The following DCT variants were observed in gnomAD, a reference collection of about 807,000 sequenced individuals.
The protein encoded by DCT is dopachrome tautomerase.
A neutral mutation model predicts 53.0 loss-of-function variants in DCT; 47 were observed. That is an observed-to-expected ratio of 0.89 (90% confidence interval 0.70 to 1.13). The LOEUF (loss-of-function observed/expected upper bound fraction) is 1.13. Among genes scored for constraint, DCT ranks in the 50% most tolerant of loss-of-function variants. The pLI, the probability that DCT is intolerant of heterozygous loss-of-function variation, is 0.00. For synonymous variants in DCT, 244 were observed against 237.0 expected (o/e 1.03, Z -0.27); for missense variants, 669 against 637.4 (o/e 1.05, Z -0.53).
chr13:94,494,222 C>G, the DCT span, among the ~76,000 whole-genome samples: 9 of 152,172 alleles, frequency 5.9e-5, no homozygotes, highest in Non-Finnish European at 1.0e-4. Context: ...CTTTTAACAT[C>G]TGCCTTCTGT....
chr13:94,459,405 C>T (rs9584234), intron 6 of DCT, among the ~76,000 whole-genome samples: 21,602 of 152,162 alleles, frequency 0.14, 1,643 homozygotes, highest in South Asian at 0.2. Flanking sequence ...TCATTTTTTG[C>T]TCCTATTAGC....
chr13:94,473,853 C>T (rs751566544), intron 1 of DCT, among the ~76,000 whole-genome samples: 6 of 152,268 alleles, frequency 3.9e-5, no homozygotes, highest in Middle Eastern at 3.4e-3. Flanking sequence ...ATTCCTTTTC[C>T]AAGATGTCTC....
At chr13:94,521,780 A>G in the DCT span, among the ~76,000 whole-genome samples, 2 of 152,192 alleles carry the variant, frequency 1.3e-5, no homozygotes, top group African/African-American at 4.8e-5. Context: ...CATAAGACTC[A>G]CTCATTTTAA....
chr13:94,483,937 C>T (rs534058655), upstream of DCT, among the ~76,000 whole-genome samples: 3 of 152,252 alleles, frequency 2.0e-5, no homozygotes, highest in Non-Finnish European at 2.9e-5. Flanking sequence ...CAAAGATAAC[C>T]GAAAAAGAAT....
the DCT span, among the ~76,000 whole-genome samples, chr13:94,513,501 A>G: frequency 6.6e-6 from 1 of 152,198 alleles, no homozygotes; most frequent in Non-Finnish European, 1.5e-5. Flanking sequence ...TCTAATTTTC[A>G]GAAACAATAT....
At chr13:94,475,467 G>T (rs1010464431) in intron 1 of DCT, among the ~76,000 whole-genome samples, 1 of 152,164 alleles carries the variant, frequency 6.6e-6, no homozygotes, top group Non-Finnish European at 1.5e-5. Flanking sequence ...CTTATATGAG[G>T]CATCTAAAGT....
chr13:94,446,711 T>C (rs1015245290), intron 6 of DCT, among the ~76,000 whole-genome samples: 1 of 152,168 alleles, frequency 6.6e-6, no homozygotes, highest in African/African-American at 2.4e-5. Flanking sequence ...TGGTTCCTTC[T>C]AAGCACTGTG....
At chr13:94,452,503 G>A (rs942654069) in intron 6 of DCT, 1 of 655,818 alleles carries the variant, frequency 1.5e-6, no homozygotes, top group African/African-American at 1.9e-5. Flanking sequence ...CAGGTATTAG[G>A]AGGGAATATT....
the DCT span, among the ~76,000 whole-genome samples, chr13:94,494,612 C>G: frequency 6.6e-6 from 1 of 152,068 alleles, no homozygotes; most frequent in African/African-American, 2.4e-5. Flanking sequence ...TTCCCTAGCA[C>G]TAAGTTATCA....
chr13:94,472,493 T>C, intron 1 of DCT, among the ~76,000 whole-genome samples: 1 of 128,270 alleles, frequency 7.8e-6, no homozygotes, highest in Non-Finnish European at 1.6e-5. Flanking sequence ...ACATCTGGTA[T>C]ACAGTGAGTT....
At chr13:94,507,216 C>T in the DCT span, among the ~76,000 whole-genome samples, 1 of 152,096 alleles carries the variant, frequency 6.6e-6, no homozygotes, top group African/African-American at 2.4e-5. Flanking sequence ...TAATTTCCTA[C>T]CTTTGATAAT....
the DCT span, among the ~76,000 whole-genome samples, chr13:94,499,004 G>A: frequency 6.6e-6 from 1 of 152,186 alleles, no homozygotes; most frequent in South Asian, 2.1e-4. Context: ...AGCAGGAAGT[G>A]GGTGGGGCCA....
the DCT span, among the ~76,000 whole-genome samples, chr13:94,545,565 ACTC>A: frequency 6.6e-6 from 1 of 151,966 alleles, no homozygotes; most frequent in African/African-American, 2.4e-5. Context: ...CAGTTAGCTA[ACTC>A]CAGCTTCCCA....
chr13:94,499,566 T>C, the DCT span, among the ~76,000 whole-genome samples: 1 of 152,158 alleles, frequency 6.6e-6, no homozygotes, highest in East Asian at 1.9e-4. Flanking sequence ...AAAGCAAACC[T>C]GGCAGCATGA....
chr13:94,468,934 T>TCCTC lies in DCT; in HGVS notation c.406_407insGAGG (p.Gln136ArgfsTer49). ...GGCGCCCAAGAACTGCTCTCTTTCC[T>TCCTC]GAGGACTCAAGGAATGGATGTTCTG... is the stretch of plus-strand genomic sequence containing the variant. On this transcript the variant is annotated frameshift_variant, in exon 2 of 8. Coordinates refer to ENST00000377028, the MANE Select transcript of DCT (RefSeq NM_001922.5). LOFTEE classifies it high-confidence loss of function. 6.2e-7 allele frequency: 1 copy of TCCTC among 1,614,162 alleles called. No individual in the cohort carries two copies. The highest frequency in any genetic ancestry group is 1.3e-5 in the African/African-American group (1 of 75,046).
intron 1 of DCT, 49 bp downstream of exon 1, chr13:94,478,912 C>CT: frequency 6.5e-7 from 1 of 1,528,204 alleles, no homozygotes; most frequent in Non-Finnish European, 8.9e-7. Context: ...AGAAGGAGCT[C>CT]TTTCCCCAGC....
chr13:94,547,984 A>AAATATATATATAT, the DCT span, among the ~76,000 whole-genome samples: 30 of 65,826 alleles, frequency 4.6e-4, no homozygotes, highest in African/African-American at 1.4e-3. Context: ...AAAAAAAAAA[A>AAATATATATATAT]ATATATATAT....
the DCT span, among the ~76,000 whole-genome samples, chr13:94,517,410 G>A: frequency 6.6e-6 from 1 of 151,922 alleles, no homozygotes. Flanking sequence ...TCTCATTCTT[G>A]ACTCTCATCA....
At chr13:94,500,444 C>T in the DCT span, among the ~76,000 whole-genome samples, 1 of 152,190 alleles carries the variant, frequency 6.6e-6, no homozygotes, top group Non-Finnish European at 1.5e-5. Flanking sequence ...TTATCTCCCA[C>T]CTGGTCCCTC....
Sources: allele counts gnomAD v4.1 joint callset (sites outside exome capture counted in the v4.1 genomes callset), GRCh38; gene constraint gnomAD v4.1.1; transcripts MANE v1.5; gene names NCBI Gene and HGNC (gene_info 2026-07-23, HGNC 2026-07-21).